The following LHFPL3 variants were observed in gnomAD, a reference collection of about 807,000 sequenced individuals.
LHFPL3 encodes LHFPL tetraspan subfamily member 3, also known as LHFPL tetraspan subfamily member 3 protein.
LHFPL3 carries 5 observed loss-of-function variants against 19.3 expected under a neutral mutation model. The observed-to-expected ratio is 0.26, with a 90% CI of 0.14 to 0.54. The LOEUF is 0.54. Ranked by LOEUF, LHFPL3 falls within the 20% of genes least tolerant of loss-of-function variation. The probability of loss-of-function intolerance (pLI) is 0.94; values close to 1 mark genes in which losing one functional copy is unlikely to be tolerated. For synonymous variants in LHFPL3, 133 were observed against 126.2 expected, an observed-to-expected ratio of 1.05 and a Z score of -0.36; for missense variants, 249 against 307.4, an observed-to-expected ratio of 0.81 and a Z score of 1.42.
intron 1 of LHFPL3, among the ~76,000 whole-genome samples, chr7:104,508,401 T>C (rs1309167850): frequency 6.4e-5 from 9 of 141,540 alleles, no homozygotes; most frequent in African/African-American, 1.1e-4. Context: ...TAGGTGGGAA[T>C]TGAACAATGA....
rs537147140 is a variant in LHFPL3 at position 104,587,898 on chromosome 7, T to G, written c.446-148777T>G. On this transcript the variant is annotated intron_variant, in intron 1 of 2. Transcript: ENST00000424859. Reference sequence around the variant, plus strand: ...ATGATGAGCATTTTTTCACATGTCTTTCGGCTGCATAAATCTCTTCTTTTG... The same window carrying G: ...ATGATGAGCATTTTTTCACATGTCTGTCGGCTGCATAAATCTCTTCTTTTG... Among the ~76,000 whole-genome samples the G allele has an allele frequency of 1.6e-3, 237 of 152,284 alleles. 1 individual carries two copies. The East Asian group carries it at 0.026, about 17-fold the overall frequency.
intron 1 of LHFPL3, among the ~76,000 whole-genome samples, chr7:104,566,542 A>G (rs185530657): frequency 1.3e-5 from 2 of 152,324 alleles, no homozygotes; most frequent in East Asian, 1.9e-4. Flanking sequence ...GGGTTTTCAC[A>G]TAAGAACCAA....
chr7:104,781,134 G>A (rs1794709513), intron 2 of LHFPL3, among the ~76,000 whole-genome samples: 1 of 152,124 alleles, frequency 6.6e-6, no homozygotes, highest in Admixed American at 6.5e-5. Flanking sequence ...ACAGAAATAG[G>A]TACCATTCCC....
At chr7:104,798,698 G>A (rs909515119) in intron 2 of LHFPL3, among the ~76,000 whole-genome samples, 1 of 139,366 alleles carries the variant, frequency 7.2e-6, no homozygotes, top group African/African-American at 2.5e-5. Flanking sequence ...AAAGTCTCAC[G>A]ATTTTTTTTT....
At chr7:104,889,362 G>C (rs757853100) in intron 2 of LHFPL3, among the ~76,000 whole-genome samples, 2 of 152,148 alleles carry the variant, frequency 1.3e-5, no homozygotes, top group East Asian at 3.9e-4. Context: ...TTTCCAGGCC[G>C]AGCGTGGTGG....
At chr7:104,466,036 T>C (rs1792776790) in intron 1 of LHFPL3, among the ~76,000 whole-genome samples, 1 of 152,202 alleles carries the variant, frequency 6.6e-6, no homozygotes, top group African/African-American at 2.4e-5. Flanking sequence ...AGAATATATA[T>C]TATGTTGTTT....
intron 2 of LHFPL3, among the ~76,000 whole-genome samples, chr7:104,854,219 G>A (rs546624931): frequency 4.2e-4 from 64 of 152,136 alleles, no homozygotes; most frequent in Non-Finnish European, 8.2e-4. Flanking sequence ...GGAGGGTATT[G>A]CAAGGGCCAG....
At chr7:104,515,642 T>C (rs1458623936) in intron 1 of LHFPL3, among the ~76,000 whole-genome samples, 1 of 152,182 alleles carries the variant, frequency 6.6e-6, no homozygotes, top group Admixed American at 6.5e-5. Flanking sequence ...GAATTGTGCT[T>C]CGAAGTAGTG....
intron 1 of LHFPL3, among the ~76,000 whole-genome samples, chr7:104,516,002 A>C (rs1033963398): frequency 6.6e-6 from 1 of 151,982 alleles, no homozygotes; most frequent in Non-Finnish European, 1.5e-5. Context: ...ACTCTACTCT[A>C]CTGGTTCCAA....
intron 1 of LHFPL3, among the ~76,000 whole-genome samples, chr7:104,525,977 TGAA>T (rs1419836536): frequency 1.3e-5 from 2 of 152,154 alleles, no homozygotes; most frequent in Non-Finnish European, 2.9e-5. Context: ...CCCAACTGAA[TGAA>T]GAAGGGCACT....
At chr7:104,766,372 A>G (rs184534793) in intron 2 of LHFPL3, among the ~76,000 whole-genome samples, 22 of 152,358 alleles carry the variant, frequency 1.4e-4, no homozygotes, top group Admixed American at 4.6e-4. Context: ...CACTAGGGAC[A>G]TGAACCAATA....
At chr7:104,712,724 A>G (rs954856858) in intron 1 of LHFPL3, among the ~76,000 whole-genome samples, 2 of 152,232 alleles carry the variant, frequency 1.3e-5, no homozygotes. Flanking sequence ...AATGAGACCC[A>G]TATGAGAATT....
intron 2 of LHFPL3, 45 bp downstream of exon 2, chr7:104,736,956 A>G (rs1164257762): frequency 3.5e-6 from 5 of 1,441,900 alleles, no homozygotes; most frequent in Non-Finnish European, 4.8e-6. Flanking sequence ...CTCAAGCACA[A>G]AAAAATGGTG....
intron 2 of LHFPL3, among the ~76,000 whole-genome samples, chr7:104,751,566 C>T (rs1794172864): frequency 6.6e-6 from 1 of 151,436 alleles, no homozygotes; most frequent in African/African-American, 2.4e-5. Flanking sequence ...TGAACCCCAT[C>T]AATCCACCAA....
chr7:104,330,378 A>G (rs1801545603), intron 1 of LHFPL3, among the ~76,000 whole-genome samples: 1 of 152,180 alleles, frequency 6.6e-6, no homozygotes, highest in African/African-American at 2.4e-5. Flanking sequence ...CTCATTTTTA[A>G]GATGTTTCAA....
At chr7:104,774,601 T>C (rs1024606314) in intron 2 of LHFPL3, among the ~76,000 whole-genome samples, 2 of 152,236 alleles carry the variant, frequency 1.3e-5, no homozygotes, top group African/African-American at 4.8e-5. Flanking sequence ...TGGTTAAATC[T>C]CAGTAAAGCC....
intron 1 of LHFPL3, among the ~76,000 whole-genome samples, chr7:104,607,780 T>A (rs894416258): frequency 1.3e-5 from 2 of 151,756 alleles, no homozygotes; most frequent in Non-Finnish European, 2.9e-5. Flanking sequence ...GAATCTACAA[T>A]GAACTCAAAC....
chr7:104,899,104 A>AAT (rs34311079), intron 2 of LHFPL3, among the ~76,000 whole-genome samples: 20,930 of 148,362 alleles, frequency 0.14, 3,057 homozygotes, highest in East Asian at 0.47. Flanking sequence ...CCCCATCTCT[A>AAT]ATATATATAT....
intron 1 of LHFPL3, among the ~76,000 whole-genome samples, chr7:104,363,452 TTG>T (rs1204470377): frequency 6.6e-6 from 1 of 152,252 alleles, no homozygotes; most frequent in Admixed American, 6.5e-5. Flanking sequence ...ATCTCAGTAG[TTG>T]AACCACTCCT....
Sources: gnomAD v4.1 joint callset for allele counts (sites outside exome capture counted in the v4.1 genomes callset) on GRCh38, gnomAD v4.1.1 for gene constraint, MANE v1.5 for transcripts, NCBI Gene and HGNC (gene_info 2026-07-23, HGNC 2026-07-21) for gene names.